SCUBE1: variants seen among roughly 807,000 people sequenced by gnomAD.
SCUBE1 encodes the protein signal peptide, CUB and EGF-like domain-containing protein 1.
A neutral mutation model predicts 124.4 loss-of-function variants in SCUBE1; 59 were observed. That is an observed-to-expected ratio of 0.47 (90% confidence interval 0.38 to 0.59). The LOEUF (loss-of-function observed/expected upper bound fraction) is 0.59, where lower values mean the gene tolerates loss of function less well. Among genes scored for constraint, SCUBE1 ranks in the 20% least tolerant of loss-of-function variants. The pLI is 0.00. For synonymous variants in SCUBE1, 545 were observed against 550.9 expected, an observed-to-expected ratio of 0.99 and a Z score of 0.15; for missense variants, 1,150 against 1,371.2, an observed-to-expected ratio of 0.84 and a Z score of 2.55.
rs1227726293 is a variant in SCUBE1 at position 43,198,605 on chromosome 22, T to C, written c.*5392A>G. 2.2e-6 allele frequency: 1 copy of C among 456,776 alleles called. No homozygotes were observed. Among genetic ancestry groups the C allele is most frequent in the South Asian group, 1.5e-5 (1 of 64,578 alleles). The allele number at this position is 456,776 out of a possible 1,614,324, so 28.3% of individuals were successfully genotyped here. ...CATCCTCTGCCCTTGGCCTGAATGA[T>C]GTCGGCTCGGCATGGACACCTTGTG... On this transcript the variant is annotated 3_prime_UTR_variant, in exon 22 of 22. Coordinates refer to ENST00000360835, the MANE Select transcript of SCUBE1 (RefSeq NM_173050.5).
intron 14 of SCUBE1, among the ~76,000 whole-genome samples, chr22:43,219,725 T>C (rs1023739130): frequency 6.6e-6 from 1 of 151,988 alleles, no homozygotes; most frequent in Non-Finnish European, 1.5e-5. Flanking sequence ...CCACCCACTT[T>C]GGCCCTCCCA....
intron 6 of SCUBE1, among the ~76,000 whole-genome samples, chr22:43,252,208 C>T (rs1029824573): frequency 4.6e-5 from 7 of 152,230 alleles, no homozygotes; most frequent in East Asian, 3.8e-4. Context: ...CCCAGGCCGC[C>T]GTGCTCGAGG....
intron 2 of SCUBE1, among the ~76,000 whole-genome samples, chr22:43,336,532 G>T (rs1232597406): frequency 6.6e-6 from 1 of 152,204 alleles, no homozygotes; most frequent in East Asian, 1.9e-4. Flanking sequence ...TCTAATTGAG[G>T]AGCTCACTGG....
chr22:43,262,593 C>T (rs567174134), intron 5 of SCUBE1, 127 bp downstream of exon 5: 89 of 1,112,396 alleles, frequency 8.0e-5, no homozygotes, highest in Admixed American at 1.7e-4. Flanking sequence ...ACAGGCCCTG[C>T]CCTTCTCTCC....
intron 16 of SCUBE1, 64 bp from the exon 17 acceptor site, chr22:43,212,656 G>A (rs576137400): frequency 6.7e-7 from 1 of 1,503,490 alleles, no homozygotes; most frequent in African/African-American, 1.4e-5. Flanking sequence ...GCTGTGGGTG[G>A]TCTCAGGCCC....
At chr22:43,212,831 C>T (rs1921629278) in intron 16 of SCUBE1, 1 of 554,986 alleles carries the variant, frequency 1.8e-6, no homozygotes, top group Non-Finnish European at 3.2e-6. Flanking sequence ...CTCTCCTTCT[C>T]CCACCAGCAA....
intron 4 of SCUBE1, among the ~76,000 whole-genome samples, chr22:43,265,645 G>A (rs1466760346): frequency 2.0e-5 from 3 of 152,258 alleles, no homozygotes; most frequent in Non-Finnish European, 4.4e-5. Flanking sequence ...GTGATTGTTA[G>A]TGGGACTGGC....
intron 4 of SCUBE1, among the ~76,000 whole-genome samples, chr22:43,266,038 C>A (rs1461310839): frequency 6.6e-6 from 1 of 152,078 alleles, no homozygotes; most frequent in South Asian, 2.1e-4. Context: ...GAGGTGGAGG[C>A]TGCAGTGAGC....
At chr22:43,241,063 A>C (rs1156662663) in intron 6 of SCUBE1, among the ~76,000 whole-genome samples, 1 of 152,058 alleles carries the variant, frequency 6.6e-6, no homozygotes, top group Non-Finnish European at 1.5e-5. Flanking sequence ...TGACCCTGAG[A>C]GACAGACCCG....
intron 9 of SCUBE1, among the ~76,000 whole-genome samples, chr22:43,228,331 C>A (rs1365093794): frequency 6.6e-6 from 1 of 152,190 alleles, no homozygotes; most frequent in Non-Finnish European, 1.5e-5. Context: ...GCCCACCCTG[C>A]CCCGGCTCCA....
Position 43,219,620 on chromosome 22 carries a change from CCTG to C in SCUBE1, c.1687+827_1687+829del, listed in dbSNP as rs994060998. Among the ~76,000 whole-genome samples, 5 of 151,836 alleles carry C rather than the reference CCTG, an allele frequency of 3.3e-5. No individual in the cohort carries two copies. The South Asian group carries it at 1.0e-3, about 32-fold the overall frequency. ...TCCTGAGTAGCTGGGATTACAGGTGCCTGCCACCACACCTGGCTAATTTTTGTA... is the reference window on the plus strand; with the variant it reads ...TCCTGAGTAGCTGGGATTACAGGTGCCCACCACACCTGGCTAATTTTTGTA... On this transcript the variant is annotated intron_variant, in intron 14 of 21. Coordinates refer to ENST00000360835, the MANE Select transcript of SCUBE1 (RefSeq NM_173050.5).
chr22:43,212,753 G>C (rs1921626116), intron 16 of SCUBE1, 161 bp from the exon 17 acceptor site: 1 of 697,872 alleles, frequency 1.4e-6, no homozygotes, highest in Admixed American at 3.0e-5. Context: ...GCAGCAGCCG[G>C]GGTGCAGGAA....
At chr22:43,207,885 C>T (rs114082916) in intron 20 of SCUBE1, among the ~76,000 whole-genome samples, 187 bp downstream of exon 20, 1,687 of 152,334 alleles carry the variant, frequency 0.011, 30 homozygotes, top group African/African-American at 0.038. Context: ...TAACCGCTGT[C>T]TTGCCTGTAC....
chr22:43,207,504 C>T (rs17003557), intron 21 of SCUBE1, 30 bp downstream of exon 21: 53,254 of 1,566,432 alleles, frequency 0.034, 1,186 homozygotes, highest in Admixed American at 0.075. Context: ...CCCAGGGTTA[C>T]GTGGATTCCC....
intron 6 of SCUBE1, among the ~76,000 whole-genome samples, chr22:43,253,395 G>A (rs1191189679): frequency 2.0e-5 from 3 of 152,168 alleles, no homozygotes; most frequent in African/African-American, 7.2e-5. Context: ...TGAGGCCTTG[G>A]CTATTGGCTC....
At chr22:43,269,591 G>A (rs1169981073) in intron 4 of SCUBE1, among the ~76,000 whole-genome samples, 2 of 152,152 alleles carry the variant, frequency 1.3e-5, no homozygotes, top group African/African-American at 4.8e-5. Flanking sequence ...AGCTGGGAAC[G>A]GCAGAGCAGG....
chr22:43,204,087 G>A lies in SCUBE1; in HGVS notation c.2877C>T (p.Tyr959=). 1.2e-6 allele frequency: 2 copies of A among 1,614,052 alleles called. No homozygotes were observed. The highest frequency in any genetic ancestry group is 8.5e-7 in the Non-Finnish European group (1 of 1,179,992). ...ACATCTCCTTGGATTCCTGGGCTGT[G>A]TACTTGAAGTAGTTCTGGGGATGCG... is the stretch of plus-strand genomic sequence containing the variant. ...VLAHPQNYFK[Y]TAQESKEMFP... is the part of the protein sequence containing the mutation. The change falls in exon 22 of 22, where the codon TAC becomes TAT. Residue 959 remains tyrosine (Y), a synonymous_variant. Transcript: ENST00000360835.
rs532785828 is a variant in SCUBE1, at chr22:43,290,941, C to T, written c.484+105G>A. ...GTCATTCAGACTACCACCAAAATTC[C>T]CTGCCTTGACCTTGAGGGCCCCAGA... On this transcript the variant is annotated intron_variant, in intron 4 of 21. Transcript: ENST00000360835. The T allele has an allele frequency of 1.6e-5, 21 of 1,319,854 alleles. No homozygotes were observed. In the South Asian group the frequency reaches 3.3e-4, roughly 21 times the overall value. 81.8% of individuals were successfully genotyped at this position (1,319,854 alleles called of 1,614,324 possible).
intron 4 of SCUBE1, among the ~76,000 whole-genome samples, chr22:43,280,837 CTTT>C (rs1354324259): frequency 3.5e-5 from 3 of 85,938 alleles, no homozygotes; most frequent in Non-Finnish European, 4.9e-5. Context: ...TCACCTCCCT[CTTT>C]GGCCACCCTC....
Sources: gnomAD v4.1 joint callset for allele counts (sites outside exome capture counted in the v4.1 genomes callset) on GRCh38, gnomAD v4.1.1 for gene constraint, MANE v1.5 for transcripts, NCBI Gene and HGNC (gene_info 2026-07-23, HGNC 2026-07-21) for gene names.